Variants in ADGRV1 observed in about 807,000 individuals in gnomAD.
The protein encoded by ADGRV1 is adhesion G protein-coupled receptor V1, also known as G-protein coupled receptor 98.
In ADGRV1, 359 loss-of-function variants were observed where a neutral mutation model predicts 596.2. The ratio of observed to expected loss-of-function variants is 0.60; its 90% CI spans 0.55 to 0.66. The LOEUF is 0.66. ADGRV1 is among the 30% of genes least tolerant of loss of function. The pLI is 0.00. For synonymous variants in ADGRV1, 2,681 were observed against 2,679.2 expected, an observed-to-expected ratio of 1.00 and a Z score of -0.02; for missense variants, 7,274 against 7,575.6, an observed-to-expected ratio of 0.96 and a Z score of 1.48.
chr5:90,780,024 G>C (rs1421406223), intron 64 of ADGRV1: 1 of 152,152 alleles, frequency 6.6e-6, no homozygotes, highest in African/African-American at 2.4e-5. Flanking sequence ...CTGGCAATGA[G>C]AGTGAATTTG....
At position 91,054,140 on chromosome 5, in the gene ADGRV1, ACT is replaced by A. The variant is rs568396094; in HGVS notation, c.18153-18304_18153-18303del. Among the ~76,000 whole-genome samples the A allele has an allele frequency of 3.0e-4, 45 of 151,150 alleles. 1 individual carries two copies. The highest frequency in any genetic ancestry group is 1.0e-3 in the African/African-American group (42 of 41,120). ...GAGAGAGAGAGAGAGAGAGACAAAG[ACT>A]CTGAAACAGCTGCTAAAGAGAGCAA... On this transcript the variant is annotated intron_variant, in intron 85 of 89. Coordinates refer to ENST00000405460, the MANE Select transcript of ADGRV1 (RefSeq NM_032119.4).
intron 87 of ADGRV1, among the ~76,000 whole-genome samples, chr5:91,112,475 T>C (rs182596053): frequency 6.6e-6 from 1 of 152,272 alleles, no homozygotes; most frequent in East Asian, 1.9e-4. Context: ...CTCCAATACT[T>C]GAAAGAGCAA....
Position 90,587,999 on chromosome 5 carries a change from A to G in ADGRV1, c.23-26836A>G, listed in dbSNP as rs186545541. ...TTTAATTTCACATAATTATACTGAT[A>G]TTACCACTGAGAATATTTAATGAAA... On this transcript the variant is annotated intron_variant, in intron 1 of 89. Coordinates refer to ENST00000405460, the MANE Select transcript of ADGRV1 (RefSeq NM_032119.4). Among the ~76,000 whole-genome samples, 29 of 152,348 alleles carry G rather than the reference A, an allele frequency of 1.9e-4. No individual in the cohort carries two copies. The East Asian group carries it at 5.2e-3, about 27-fold the overall frequency.
At chr5:91,144,996 T>G (rs1428300181) in intron 87 of ADGRV1, among the ~76,000 whole-genome samples, 1 of 152,244 alleles carries the variant, frequency 6.6e-6, no homozygotes, top group Non-Finnish European at 1.5e-5. Flanking sequence ...CTTGTTTTTA[T>G]CCTGAGGTCA....
At chr5:90,940,504 T>C (rs1167727197) in intron 83 of ADGRV1, among the ~76,000 whole-genome samples, 3 of 152,240 alleles carry the variant, frequency 2.0e-5, no homozygotes, top group Non-Finnish European at 4.4e-5. Context: ...ATGCTCTGTT[T>C]AATTGTAAAC....
At chr5:91,118,017 T>C (rs1793002768) in intron 87 of ADGRV1, among the ~76,000 whole-genome samples, 1 of 152,186 alleles carries the variant, frequency 6.6e-6, no homozygotes, top group African/African-American at 2.4e-5. Context: ...TCTAGTGTTA[T>C]TTGTAATTAT....
At chr5:91,153,177 A>G (rs770273762) in intron 88 of ADGRV1, 44 bp from the exon 89 acceptor site, 34 of 1,518,966 alleles carry the variant, frequency 2.2e-5, no homozygotes, top group Non-Finnish European at 2.8e-5. Context: ...ATGTGTATGC[A>G]TTCATATTAT....
chr5:90,933,692 A>G (rs1265609149), intron 83 of ADGRV1, among the ~76,000 whole-genome samples: 3 of 152,142 alleles, frequency 2.0e-5, no homozygotes, highest in African/African-American at 7.2e-5. Flanking sequence ...TTAGGCCTCT[A>G]CTTGGTTCTC....
chr5:90,666,663 C>A (rs1215299244), intron 21 of ADGRV1, among the ~76,000 whole-genome samples: 3 of 145,380 alleles, frequency 2.1e-5, no homozygotes, highest in Non-Finnish European at 1.5e-5. Context: ...ATGATGTTAG[C>A]GGGTTATTTT....
chr5:90,662,590 TTTTTTTTTCTTTTTTTC>T (rs941047592), intron 21 of ADGRV1, among the ~76,000 whole-genome samples: 8 of 151,584 alleles, frequency 5.3e-5, no homozygotes, highest in Non-Finnish European at 1.0e-4. Context: ...TCCTGGTAGT[TTTTTTTTTCTTTTTTTC>T]TTTTTTTTCT....
At chr5:90,666,455 T>C (rs1410304362) in intron 21 of ADGRV1, among the ~76,000 whole-genome samples, 1 of 152,020 alleles carries the variant, frequency 6.6e-6, no homozygotes, top group African/African-American at 2.4e-5. Flanking sequence ...TTTTTTGTTT[T>C]CCATTTGCTT....
intron 57 of ADGRV1, among the ~76,000 whole-genome samples, 169 bp from the exon 58 acceptor site, chr5:90,759,240 A>G (rs891685867): frequency 6.6e-6 from 1 of 152,244 alleles, no homozygotes; most frequent in African/African-American, 2.4e-5. Flanking sequence ...CAAATATAAT[A>G]CGCAAAAAGA....
At chr5:90,975,277 G>A (rs1214961632) in intron 84 of ADGRV1, among the ~76,000 whole-genome samples, 1 of 152,086 alleles carries the variant, frequency 6.6e-6, no homozygotes, top group Non-Finnish European at 1.5e-5. Flanking sequence ...TTCAACCATT[G>A]TGGAAGACAG....
intron 3 of ADGRV1, 87 bp downstream of exon 3, chr5:90,618,040 C>G: frequency 9.8e-7 from 1 of 1,019,656 alleles, no homozygotes; most frequent in Non-Finnish European, 1.4e-6. Flanking sequence ...ATCTATCTAT[C>G]TAGAGATGAG....
In ADGRV1 at chr5:90,778,590, G is replaced by T. The variant is rs571603222; in HGVS notation, c.12830G>T (p.Arg4277Leu). 36 of 1,601,138 alleles carry T rather than the reference G, an allele frequency of 2.2e-5. No homozygotes were observed. In the South Asian group the frequency reaches 3.9e-4, roughly 17 times the overall value. Residue 4277 changes from arginine to leucine, a missense_variant, in exon 63 of 90, where the codon CGA becomes CTA. By Grantham distance (102) the Arg-to-Leu change is moderately radical. Around this residue, in one of 5 missense-constraint regions of ADGRV1, gnomAD observed 3,643 missense variants for 3,809.2 expected, o/e 0.96. Transcript: ENST00000405460. ...TTTGCCTTTTCACATGAGCAACTTCGAGTGTCAGAAGCACAGAGGGTATAG... is the reference window on the plus strand; with the variant it reads ...TTTGCCTTTTCACATGAGCAACTTCTAGTGTCAGAAGCACAGAGGGTATAG... ...GRFAFSHEQL[R>L]VSEAQRVNIT...
At chr5:91,089,472 T>A (rs942804221) in intron 86 of ADGRV1, among the ~76,000 whole-genome samples, 1 of 152,108 alleles carries the variant, frequency 6.6e-6, no homozygotes, top group African/African-American at 2.4e-5. Flanking sequence ...CAGTTTTGTG[T>A]GTGATGGTTA....
At position 90,737,297 on chromosome 5, in the gene ADGRV1, C is replaced by A. The variant is rs79664892; in HGVS notation, c.10549+7533C>A. ...AATGCCATTATGATCAGAAAACATA[C>A]TTGCTATGCTTTCAGTGCTCTTAAA... On this transcript the variant is annotated intron_variant, in intron 50 of 89. Transcript: ENST00000405460. Among the ~76,000 whole-genome samples, 1,053 of 152,096 alleles carry A rather than the reference C, an allele frequency of 6.9e-3. 8 individuals carry two copies. Among genetic ancestry groups the A allele is most frequent in the African/African-American group, 0.023 (974 of 41,552 alleles).
At chr5:90,764,116 C>T (rs1756822254) in intron 59 of ADGRV1, among the ~76,000 whole-genome samples, 1 of 152,150 alleles carries the variant, frequency 6.6e-6, no homozygotes. Context: ...TAGTCCTGAG[C>T]CAGCAGGAAT....
chr5:90,629,702 C>T, intron 9 of ADGRV1, 163 bp downstream of exon 9: 1 of 563,576 alleles, frequency 1.8e-6, no homozygotes, highest in Non-Finnish European at 3.1e-6. Context: ...TATGCCTGCT[C>T]CTAAGGTATA....
Sources: gnomAD v4.1 joint callset for allele counts (sites outside exome capture counted in the v4.1 genomes callset) on GRCh38, gnomAD v4.1.1 for gene constraint, gnomAD v4.1.1 regional missense constraint, MANE v1.5 for transcripts, NCBI Gene and HGNC (gene_info 2026-07-23, HGNC 2026-07-21) for gene names.